Variants in CORIN observed in about 807,000 individuals in gnomAD.
The protein encoded by CORIN is corin, serine peptidase.
A neutral mutation model predicts 125.3 loss-of-function variants in CORIN; 117 were observed. The ratio of observed to expected loss-of-function variants is 0.93; its 90% CI spans 0.80 to 1.09. CORIN has a LOEUF of 1.09. Ranked by LOEUF, CORIN falls within the 50% of genes least tolerant of loss-of-function variation. CORIN has a pLI of 0.00. For missense variants in CORIN, 1,253 were observed against 1,306.7 expected (o/e 0.96, Z 0.63); for synonymous variants, 450 against 466.4 (o/e 0.96, Z 0.45).
intron 1 of CORIN, among the ~76,000 whole-genome samples, chr4:47,810,840 T>G (rs1284795759): frequency 6.6e-6 from 1 of 152,156 alleles, no homozygotes; most frequent in African/African-American, 2.4e-5. Flanking sequence ...GAAGATTGCA[T>G]TATATGCAAC....
At chr4:47,630,800 G>GT (rs1463912850) in intron 16 of CORIN, among the ~76,000 whole-genome samples, 1 of 152,300 alleles carries the variant, frequency 6.6e-6, no homozygotes, top group East Asian at 1.9e-4. Flanking sequence ...TGGAGGACCT[G>GT]TTACAACACA....
intron 6 of CORIN, among the ~76,000 whole-genome samples, chr4:47,684,151 A>G (rs1725411659): frequency 6.6e-6 from 1 of 152,208 alleles, no homozygotes; most frequent in Non-Finnish European, 1.5e-5. Flanking sequence ...ATTCCTAATG[A>G]AGTTCTTGTT....
chr4:47,701,017 AT>A (rs1560511535), intron 5 of CORIN, among the ~76,000 whole-genome samples: 6 of 152,216 alleles, frequency 3.9e-5, no homozygotes, highest in Admixed American at 2.0e-4. Flanking sequence ...AAAGGTCTCC[AT>A]TAGTACCTTT....
At chr4:47,645,763 G>A (rs1723442965) in intron 13 of CORIN, among the ~76,000 whole-genome samples, 2 of 152,020 alleles carry the variant, frequency 1.3e-5, no homozygotes, top group South Asian at 2.1e-4. Flanking sequence ...GTGCGTGCCT[G>A]TAATCCCAGC....
chr4:47,807,554 C>T (rs546616310), intron 1 of CORIN, among the ~76,000 whole-genome samples: 1 of 152,276 alleles, frequency 6.6e-6, no homozygotes, highest in African/African-American at 2.4e-5. Flanking sequence ...CAGCCAGGCT[C>T]ACTGTTACTG....
In CORIN at chr4:47,623,615, G is replaced by A. The variant is rs749572458; in HGVS notation, c.2496C>T (p.Leu832=). The A allele has an allele frequency of 6.2e-7, 1 of 1,614,194 alleles. No individual in the cohort carries two copies. Among genetic ancestry groups the A allele is most frequent in the South Asian group, 1.1e-5 (1 of 91,082 alleles). ...EPSGHICGCV[L]IAKKWVLTVA... Reference sequence around the variant, plus strand: ...CTGTCAGAACCCACTTCTTGGCAATGAGGACACAGCCACAGATATGTCCAC... The same window carrying A: ...CTGTCAGAACCCACTTCTTGGCAATAAGGACACAGCCACAGATATGTCCAC... Residue 832 remains leucine (L), a synonymous_variant, in exon 19 of 22, where the codon CTC becomes CTT. Transcript: ENST00000273857.
At chr4:47,737,953 T>C (rs566513860) in intron 5 of CORIN, among the ~76,000 whole-genome samples, 1 of 151,858 alleles carries the variant, frequency 6.6e-6, no homozygotes, top group Non-Finnish European at 1.5e-5. Flanking sequence ...TTGACCTGAA[T>C]AAGAGCTTAC....
chr4:47,799,328 C>A (rs1731433153), intron 2 of CORIN, among the ~76,000 whole-genome samples: 1 of 152,084 alleles, frequency 6.6e-6, no homozygotes, highest in African/African-American at 2.4e-5. Flanking sequence ...ATGGTAGTTC[C>A]ATTTGAAGTT....
chr4:47,822,006 TATTTC>T (rs1427845092), intron 1 of CORIN, among the ~76,000 whole-genome samples: 2 of 152,202 alleles, frequency 1.3e-5, no homozygotes, highest in East Asian at 3.8e-4. Flanking sequence ...AGGGGAAAGA[TATTTC>T]ATTTAAGATT....
chr4:47,656,426 C>A (rs1324066538), intron 12 of CORIN, among the ~76,000 whole-genome samples: 5 of 152,072 alleles, frequency 3.3e-5, no homozygotes, highest in African/African-American at 1.2e-4. Context: ...AAAGTCCTGG[C>A]AAGACAGGCA....
chr4:47,754,147 T>G (rs899376923), intron 4 of CORIN, among the ~76,000 whole-genome samples: 2 of 152,246 alleles, frequency 1.3e-5, no homozygotes, highest in African/African-American at 4.8e-5. Flanking sequence ...TAGCTTTACA[T>G]CTTTGTAAAA....
At chr4:47,669,771 A>G (rs748997788) in intron 10 of CORIN, among the ~76,000 whole-genome samples, 11 of 152,020 alleles carry the variant, frequency 7.2e-5, no homozygotes, top group African/African-American at 1.2e-4. Context: ...GGGTTTCACC[A>G]TGTTAGCCAG....
chr4:47,761,718 G>C (rs1729469860), intron 4 of CORIN, among the ~76,000 whole-genome samples: 1 of 152,160 alleles, frequency 6.6e-6, no homozygotes. Flanking sequence ...GACTGGGGAA[G>C]TTCAAGGGTG....
chr4:47,783,781 G>C (rs1450986459), intron 3 of CORIN, among the ~76,000 whole-genome samples: 2 of 151,978 alleles, frequency 1.3e-5, no homozygotes, highest in East Asian at 3.9e-4. Flanking sequence ...TAGCAAAAGT[G>C]ATAAATCATA....
intron 3 of CORIN, among the ~76,000 whole-genome samples, chr4:47,768,617 A>C (rs1729876226): frequency 6.6e-6 from 1 of 152,178 alleles, no homozygotes; most frequent in South Asian, 2.1e-4. Context: ...CATTAAAAAG[A>C]TCATTTACCA....
At chr4:47,650,868 G>T (rs1577783817) in intron 13 of CORIN, among the ~76,000 whole-genome samples, 1 of 152,052 alleles carries the variant, frequency 6.6e-6, no homozygotes, top group African/African-American at 2.4e-5. Flanking sequence ...TCCCATATCG[G>T]ATTTGCACAA....
Position 47,808,480 on chromosome 4 carries a change from G to A in CORIN, c.64-1433C>T, listed in dbSNP as rs10049716. ...TTATTCTCTCTATAAGGGAATATAG[G>A]TTCACTAACCCATATTGCAAGCAGT... On this transcript the variant is annotated intron_variant, in intron 1 of 21. Transcript: ENST00000273857. Among the ~76,000 whole-genome samples the A allele has an allele frequency of 2.6e-3, 395 of 152,268 alleles. 1 individual carries two copies. The highest frequency in any genetic ancestry group is 8.5e-3 in the African/African-American group (355 of 41,552).
chr4:47,606,111 C>A (rs1339232731), intron 19 of CORIN, among the ~76,000 whole-genome samples: 2 of 152,014 alleles, frequency 1.3e-5, no homozygotes, highest in Non-Finnish European at 2.9e-5. Flanking sequence ...TTAGGGATTA[C>A]AAGAATAAGC....
intron 5 of CORIN, among the ~76,000 whole-genome samples, chr4:47,736,916 G>C (rs1283791215): frequency 6.6e-6 from 1 of 152,236 alleles, no homozygotes; most frequent in Non-Finnish European, 1.5e-5. Context: ...GGTGAGCAGT[G>C]AAAGGGGAGA....
Sources: gnomAD v4.1 joint callset for allele counts (sites outside exome capture counted in the v4.1 genomes callset) on GRCh38, gnomAD v4.1.1 for gene constraint, MANE v1.5 for transcripts, NCBI Gene and HGNC (gene_info 2026-07-23, HGNC 2026-07-21) for gene names.